Variants in AKAP3 observed in about 807,000 individuals in gnomAD.
The protein encoded by AKAP3 is A-kinase anchoring protein 3, also known as A-kinase anchor protein 3.
AKAP3 carries 27 observed loss-of-function variants against 57.2 expected under a neutral mutation model. That is an observed-to-expected ratio of 0.47 (90% confidence interval 0.35 to 0.65). AKAP3 has a LOEUF of 0.65. AKAP3 is among the 30% of genes least tolerant of loss of function. AKAP3 has a pLI of 0.01. For missense variants in AKAP3, 959 were observed against 1,040.0 expected (o/e 0.92, Z 1.07); for synonymous variants, 334 against 392.3 (o/e 0.85, Z 1.76).
chr12:4,617,081 A>T (rs1447643918), intron 5 of AKAP3, among the ~76,000 whole-genome samples: 8 of 152,160 alleles, frequency 5.3e-5, no homozygotes, highest in Admixed American at 1.3e-4. Flanking sequence ...AAAAATCTTA[A>T]AAGCATCCAG....
rs1375784126 is a variant in AKAP3 at position 4,649,012 on chromosome 12, C to G, written c.-512G>C. On this transcript the variant is annotated 5_prime_UTR_variant, in exon 1 of 6. Coordinates refer to ENST00000228850, the MANE Select transcript of AKAP3 (RefSeq NM_001278309.2). The stretch of plus-strand genomic sequence containing the variant: ...CTTTCTTCTTAACCAACAATCTACC[C>G]GAAACCGTCGTTTCTTGGTTAGCGC... 4 of 1,225,872 alleles carry G rather than the reference C, an allele frequency of 3.3e-6. No individual in the cohort carries two copies. Among genetic ancestry groups the G allele is most frequent in the African/African-American group, 3.0e-5 (2 of 66,268 alleles). The allele number at this position is 1,225,872 out of a possible 1,614,324, so 75.9% of individuals were successfully genotyped here.
At chr12:4,632,968 T>G (rs1176290782) in intron 4 of AKAP3, among the ~76,000 whole-genome samples, 1 of 152,164 alleles carries the variant, frequency 6.6e-6, no homozygotes, top group African/African-American at 2.4e-5. Flanking sequence ...ATGGGGTTTT[T>G]GAAAATGATA....
At chr12:4,620,408 C>T (rs1376409729) in intron 5 of AKAP3, among the ~76,000 whole-genome samples, 10 of 124,566 alleles carry the variant, frequency 8.0e-5, no homozygotes, top group African/African-American at 2.5e-4. Flanking sequence ...ACCTGGGGGG[C>T]GGAGGTTGCA....
rs369195885 is a variant in AKAP3 at position 4,639,364 on chromosome 12, G to A, written c.1-1168C>T. Among the ~76,000 whole-genome samples, 84 of 151,818 alleles carry A rather than the reference G, an allele frequency of 5.5e-4. 1 individual carries two copies. The Middle Eastern group carries it at 0.01, about 18-fold the overall frequency. Reference sequence around the variant, plus strand: ...CCTTCCCTCTTCATCCCTTAGGCTCGGTTGGCGTTAAAAAATTTTTTTCTT... The same window carrying A: ...CCTTCCCTCTTCATCCCTTAGGCTCAGTTGGCGTTAAAAAATTTTTTTCTT... On this transcript the variant is annotated intron_variant, in intron 3 of 5. Coordinates refer to ENST00000228850, the MANE Select transcript of AKAP3 (RefSeq NM_001278309.2).
chr12:4,627,755 T>C lies in AKAP3; in HGVS notation c.1147A>G (p.Asn383Asp). The C allele has an allele frequency of 6.2e-7, 1 of 1,614,172 alleles. No individual in the cohort carries two copies. Among genetic ancestry groups the C allele is most frequent in the South Asian group, 1.1e-5 (1 of 91,078 alleles). ...IMDAMLRKLYNVMFAKKVPEH... is the reference protein window; with the variant it reads ...IMDAMLRKLYDVMFAKKVPEH... ...GGGACTTTCTTGGCAAACATTACAT[T>C]GTACAGCTTCCTTAGCATGGCATCC... Residue 383 changes from asparagine to aspartate, a missense_variant, in exon 5 of 6, where the codon AAT (asparagine) becomes GAT (aspartate). Physicochemically the swap from Asn to Asp is conservative, Grantham distance 23 (BLOSUM62 1). Coordinates refer to ENST00000228850, the MANE Select transcript of AKAP3 (RefSeq NM_001278309.2).
At position 4,615,717 on chromosome 12, in the gene AKAP3, G is replaced by T; in HGVS notation, c.*22C>A. On this transcript the variant is annotated 3_prime_UTR_variant, in exon 6 of 6. Transcript: ENST00000228850. ...AGGGCCGGCCCCACTGCCAGAAGAGGGGAAAGCAGTGGGGTTGCCGATTAC... is the reference window on the plus strand; with the variant it reads ...AGGGCCGGCCCCACTGCCAGAAGAGTGGAAAGCAGTGGGGTTGCCGATTAC... 6.2e-7 allele frequency: 1 copy of T among 1,608,672 alleles called. No homozygotes were observed. The highest frequency in any genetic ancestry group is 1.1e-5 in the South Asian group (1 of 90,664).
chr12:4,626,357 C>T lies in AKAP3; in HGVS notation c.2406+139G>A, dbSNP rs889120384. 1.5e-5 allele frequency: 16 copies of T among 1,060,912 alleles called. No individual in the cohort carries two copies. The African/African-American group carries it at 2.4e-4, about 16-fold the overall frequency. The allele number at this position is 1,060,912 out of a possible 1,614,324, so 65.7% of individuals were successfully genotyped here. ...ATTTTACTTTATCCATTATCTCTGC[C>T]AGGAGGCATGATCTTCAAATCCCAC... On this transcript the variant is annotated intron_variant, in intron 5 of 5. Transcript: ENST00000228850.
Position 4,636,002 on chromosome 12 carries a change from T to C in AKAP3, c.96+2099A>G, listed in dbSNP as rs547340904. The stretch of plus-strand genomic sequence containing the variant: ...TTTATCACTTTGAGAGTTACCCCAA[T>C]GGTACTCTCTTGAAATTCATGAAAT... On this transcript the variant is annotated intron_variant, in intron 4 of 5. Transcript: ENST00000228850. 38 of 1,468,470 alleles carry C rather than the reference T, an allele frequency of 2.6e-5. 1 individual carries two copies. In the East Asian group the frequency reaches 8.6e-4, roughly 33 times the overall value. The allele number at this position is 1,468,470 out of a possible 1,614,324, so 91.0% of individuals were successfully genotyped here. A position where few individuals can be genotyped will look rare whatever the true frequency, so the allele number is the denominator to read the frequency against.
At chr12:4,647,026 G>A (rs1018057154) in intron 1 of AKAP3, among the ~76,000 whole-genome samples, 4 of 151,964 alleles carry the variant, frequency 2.6e-5, no homozygotes, top group African/African-American at 4.8e-5. Context: ...CAAGTGATCC[G>A]CCTGCCTCGA....
intron 1 of AKAP3, among the ~76,000 whole-genome samples, chr12:4,646,795 T>C (rs750708850): frequency 5.3e-5 from 8 of 152,134 alleles, no homozygotes; most frequent in Non-Finnish European, 1.2e-4. Context: ...TCTTTTTTCT[T>C]TTTTTTGAGA....
intron 5 of AKAP3, among the ~76,000 whole-genome samples, chr12:4,616,144 T>A (rs1312500181): frequency 6.6e-6 from 1 of 152,170 alleles, no homozygotes; most frequent in Admixed American, 6.5e-5. Flanking sequence ...CACCCTAATA[T>A]CATAAAAGTC....
chr12:4,630,570 T>A (rs1269541600), intron 4 of AKAP3, among the ~76,000 whole-genome samples: 1 of 152,218 alleles, frequency 6.6e-6, no homozygotes, highest in African/African-American at 2.4e-5. Flanking sequence ...TGGTTCAAAA[T>A]TCTCCCAAAT....
At chr12:4,634,361 C>A (rs1945538440) in intron 4 of AKAP3, among the ~76,000 whole-genome samples, 1 of 152,150 alleles carries the variant, frequency 6.6e-6, no homozygotes, top group Admixed American at 6.5e-5. Flanking sequence ...GTTTTAGTAA[C>A]TGTACATTTT....
At chr12:4,647,296 A>T (rs1945711506) in intron 1 of AKAP3, among the ~76,000 whole-genome samples, 1 of 152,084 alleles carries the variant, frequency 6.6e-6, no homozygotes, top group African/African-American at 2.4e-5. Flanking sequence ...TTACCCTGTT[A>T]GACAAGTGTA....
Position 4,627,998 on chromosome 12 carries a change from T to C in AKAP3, c.904A>G (p.Lys302Glu). The change falls in exon 5 of 6, where the codon AAG becomes GAG. Residue 302 changes from lysine (K) to glutamate (E), a missense_variant. Coordinates refer to ENST00000228850, the MANE Select transcript of AKAP3 (RefSeq NM_001278309.2). ...VVSDMMVSIM[K>E]TLKIQVKDTT... ...TCTTTCACTTGGATCTTCAGTGTCTTCATGATGGAGACCATCATATCAGAT... is the reference window on the plus strand; with the variant it reads ...TCTTTCACTTGGATCTTCAGTGTCTCCATGATGGAGACCATCATATCAGAT... 1 of 1,613,934 alleles carries C rather than the reference T, an allele frequency of 6.2e-7. No homozygotes were observed. Among genetic ancestry groups the C allele is most frequent in the South Asian group, 1.1e-5 (1 of 91,068 alleles).
At chr12:4,626,452 A>C in intron 5 of AKAP3, 44 bp downstream of exon 5, 1 of 1,578,194 alleles carries the variant, frequency 6.3e-7, no homozygotes, top group Non-Finnish European at 8.6e-7. Context: ...AGCCCTAGTT[A>C]AATCTTAATA....
chr12:4,618,276 C>T (rs1945309022), intron 5 of AKAP3, among the ~76,000 whole-genome samples: 1 of 152,070 alleles, frequency 6.6e-6, no homozygotes, highest in South Asian at 2.1e-4. Flanking sequence ...AAAAGATGTA[C>T]CATGAAAATG....
At chr12:4,622,141 A>G (rs1201343052) in intron 5 of AKAP3, among the ~76,000 whole-genome samples, 2 of 152,316 alleles carry the variant, frequency 1.3e-5, no homozygotes, top group East Asian at 1.9e-4. Flanking sequence ...GACACAAACA[A>G]ATGGAAAAAT....
intron 2 of AKAP3, among the ~76,000 whole-genome samples, chr12:4,644,478 G>T (rs892408414): frequency 2.0e-5 from 3 of 152,220 alleles, no homozygotes; most frequent in Admixed American, 2.0e-4. Context: ...GGCCCCTCAT[G>T]TCTCCAAAAG....
Sources: gnomAD v4.1 joint callset for allele counts (sites outside exome capture counted in the v4.1 genomes callset) on GRCh38, gnomAD v4.1.1 for gene constraint, MANE v1.5 for transcripts, NCBI Gene and HGNC (gene_info 2026-07-23, HGNC 2026-07-21) for gene names.